ATXN1: variants seen among roughly 807,000 people sequenced by gnomAD.
The protein encoded by ATXN1 is ataxin 1.
In ATXN1, 8 loss-of-function variants were observed where a neutral mutation model predicts 56.4. That is an observed-to-expected ratio of 0.14 (90% CI 0.08 to 0.26). ATXN1 has a LOEUF of 0.26. ATXN1 is among the 10% of genes least tolerant of loss of function. ATXN1 has a pLI of 1.00. For synonymous variants in ATXN1, 514 were observed against 494.6 expected (o/e 1.04, Z -0.52); for missense variants, 987 against 1,106.5 (o/e 0.89, Z 1.53).
chr6:16,345,150 G>A (rs1202134198), intron 6 of ATXN1, among the ~76,000 whole-genome samples: 1 of 152,178 alleles, frequency 6.6e-6, no homozygotes, highest in Non-Finnish European at 1.5e-5. Context: ...ATAAAAAACT[G>A]AACTCATTAC....
rs549462336 is a variant in ATXN1 at position 16,560,588 on chromosome 6, TGGA to T, written c.-361+25189_-361+25191del. Among the ~76,000 whole-genome samples, 577 of 152,234 alleles carry T rather than the reference TGGA, an allele frequency of 3.8e-3. 2 individuals carry two copies. Among genetic ancestry groups the T allele is most frequent in the Middle Eastern group, 0.01 (3 of 294 alleles). ...CCCAGCTCCTCTCAGACACCCGTCT[TGGA>T]GGAGGTTAGAAGAGTGTTCAGGGTA... On this transcript the variant is annotated intron_variant, in intron 4 of 7. Coordinates refer to ENST00000436367, the MANE Select transcript of ATXN1 (RefSeq NM_001128164.2).
intron 6 of ATXN1, among the ~76,000 whole-genome samples, chr6:16,405,866 C>T (rs545141316): frequency 2.0e-5 from 3 of 152,058 alleles, no homozygotes; most frequent in South Asian, 4.2e-4. Context: ...AAAGAAAAGT[C>T]GGGAAATGGA....
chr6:16,675,631 A>C (rs1242743285), intron 2 of ATXN1, among the ~76,000 whole-genome samples: 1 of 152,190 alleles, frequency 6.6e-6, no homozygotes, highest in Non-Finnish European at 1.5e-5. Context: ...CTGTAATCCC[A>C]GCACTTTGGG....
At chr6:16,646,231 C>G (rs1435141209) in intron 3 of ATXN1, among the ~76,000 whole-genome samples, 1 of 152,056 alleles carries the variant, frequency 6.6e-6, no homozygotes, top group Admixed American at 6.6e-5. Context: ...TTAAACAAAA[C>G]AAAAGACGTG....
At chr6:16,677,942 C>T (rs1038018654) in intron 2 of ATXN1, among the ~76,000 whole-genome samples, 6 of 152,180 alleles carry the variant, frequency 3.9e-5, no homozygotes, top group African/African-American at 1.2e-4. Context: ...TTGGTGCACT[C>T]GAATGAGATT....
chr6:16,635,873 AC>A (rs1763587239), intron 3 of ATXN1, among the ~76,000 whole-genome samples: 1 of 54,184 alleles, frequency 1.8e-5, no homozygotes, highest in Non-Finnish European at 6.5e-5. Context: ...ACACAAAGCG[AC>A]GACGCCCACT....
At chr6:16,347,651 C>T (rs543299804) in intron 6 of ATXN1, among the ~76,000 whole-genome samples, 1 of 152,098 alleles carries the variant, frequency 6.6e-6, no homozygotes, top group African/African-American at 2.4e-5. Context: ...ACCTTTGTGT[C>T]GACACTCTTT....
intron 1 of ATXN1, among the ~76,000 whole-genome samples, chr6:16,755,726 A>G (rs1425181934): frequency 1.3e-5 from 2 of 152,080 alleles, no homozygotes; most frequent in Non-Finnish European, 2.9e-5. Flanking sequence ...TGTAAAAAAA[A>G]AAAAAAAGAG....
chr6:16,471,566 G>A (rs1176895878), intron 6 of ATXN1, among the ~76,000 whole-genome samples: 3 of 152,132 alleles, frequency 2.0e-5, no homozygotes, highest in Non-Finnish European at 4.4e-5. Flanking sequence ...ATATCATAGA[G>A]TGACACTAGA....
chr6:16,606,430 G>A (rs1189777163), intron 3 of ATXN1, among the ~76,000 whole-genome samples: 1 of 151,954 alleles, frequency 6.6e-6, no homozygotes, highest in Non-Finnish European at 1.5e-5. Context: ...AAGTGCAGAG[G>A]ATCTTAAGAA....
intron 2 of ATXN1, among the ~76,000 whole-genome samples, chr6:16,691,936 C>T (rs899158750): frequency 2.0e-5 from 3 of 152,228 alleles, no homozygotes; most frequent in Non-Finnish European, 2.9e-5. Flanking sequence ...TGTGAGGATA[C>T]ACAGAGAAGG....
At chr6:16,722,109 G>A (rs182335915) in intron 2 of ATXN1, among the ~76,000 whole-genome samples, 1 of 152,316 alleles carries the variant, frequency 6.6e-6, no homozygotes, top group East Asian at 1.9e-4. Context: ...CCAACTCAAA[G>A]CAATATCATG....
chr6:16,489,742 C>T (rs1199321948), intron 5 of ATXN1, among the ~76,000 whole-genome samples: 4 of 152,106 alleles, frequency 2.6e-5, no homozygotes, highest in Non-Finnish European at 5.9e-5. Flanking sequence ...GGCTTGAGCT[C>T]AGGAGTTCAA....
chr6:16,695,776 G>A (rs1327267039), intron 2 of ATXN1, among the ~76,000 whole-genome samples: 1 of 152,084 alleles, frequency 6.6e-6, no homozygotes, highest in Non-Finnish European at 1.5e-5. Context: ...CTGGGCAATG[G>A]AATGAGACCC....
At chr6:16,368,343 C>CTTTTTTTTTT (rs10527935) in intron 6 of ATXN1, among the ~76,000 whole-genome samples, 23 of 75,906 alleles carry the variant, frequency 3.0e-4, no homozygotes, top group Non-Finnish European at 4.7e-4. Context: ...ACTTCTTCTT[C>CTTTTTTTTTT]TTTTTTTTTT....
At chr6:16,368,688 A>T (rs992845494) in intron 6 of ATXN1, among the ~76,000 whole-genome samples, 2 of 152,252 alleles carry the variant, frequency 1.3e-5, no homozygotes, top group Non-Finnish European at 2.9e-5. Context: ...TTCAAGGAAT[A>T]AGCTATTAAA....
intron 2 of ATXN1, among the ~76,000 whole-genome samples, chr6:16,680,804 C>T (rs1213928378): frequency 2.6e-5 from 4 of 152,188 alleles, no homozygotes; most frequent in African/African-American, 9.7e-5. Context: ...ATTCTTTCTT[C>T]CCCCTCTTTA....
chr6:16,623,200 C>T (rs865831622), intron 3 of ATXN1, among the ~76,000 whole-genome samples: 1 of 152,110 alleles, frequency 6.6e-6, no homozygotes, highest in African/African-American at 2.4e-5. Context: ...GTATACAGTA[C>T]AGAAGTCTCT....
chr6:16,697,640 A>G (rs1581374033), intron 2 of ATXN1, among the ~76,000 whole-genome samples: 1 of 124,324 alleles, frequency 8.0e-6, no homozygotes, highest in South Asian at 2.4e-4. Flanking sequence ...CAGCACTCTC[A>G]CTGGGCTTAA....
Sources: allele counts gnomAD v4.1 joint callset (sites outside exome capture counted in the v4.1 genomes callset), GRCh38; gene constraint gnomAD v4.1.1; transcripts MANE v1.5; gene names NCBI Gene and HGNC (gene_info 2026-07-23, HGNC 2026-07-21).